Variants in GCNT2 observed in about 807,000 individuals in gnomAD.
The protein encoded by GCNT2 is N-acetyllactosaminide beta-1,6-N-acetylglucosaminyl-transferase.
GCNT2 carries 34 observed loss-of-function variants against 34.2 expected under a neutral mutation model. The observed-to-expected ratio is 1.00, with a 90% CI of 0.76 to 1.32. The LOEUF (loss-of-function observed/expected upper bound fraction) is 1.32, where lower values mean the gene tolerates loss of function less well. Ranked by LOEUF, GCNT2 falls within the 40% of genes most tolerant of loss-of-function variation. The pLI, the probability that GCNT2 is intolerant of heterozygous loss-of-function variation, is 0.00. For synonymous variants in GCNT2, 212 were observed against 188.0 expected (o/e 1.13, Z -1.04); for missense variants, 584 against 489.4 (o/e 1.19, Z -1.82).
At chr6:10,601,764 A>AC (rs1765093416) in intron 3 of GCNT2, among the ~76,000 whole-genome samples, 1 of 151,650 alleles carries the variant, frequency 6.6e-6, no homozygotes, top group South Asian at 2.1e-4. Flanking sequence ...AGATGATGAA[A>AC]CCCCCGTCTC....
chr6:10,531,392 T>G (rs189102988), intron 3 of GCNT2, among the ~76,000 whole-genome samples: 76 of 152,348 alleles, frequency 5.0e-4, no homozygotes, highest in African/African-American at 1.8e-3. Context: ...CAGTCCTGGT[T>G]TCTTTGGATT....
intron 3 of GCNT2, chr6:10,574,881 C>CT (rs1459892352): frequency 1.4e-6 from 1 of 703,050 alleles, no homozygotes; most frequent in African/African-American, 1.7e-5. Flanking sequence ...TGTCTTCTTT[C>CT]TTTTTCTGAT....
rs1435108594 is a variant in GCNT2, at chr6:10,582,471, TA to T, written c.926-38879del. 2.7e-3 allele frequency among the ~76,000 whole-genome samples: 305 copies of T among 114,250 alleles called. 8 individuals carry two copies. The highest frequency in any genetic ancestry group is 0.011 in the African/African-American group (279 of 25,176). 75.0% of individuals were successfully genotyped at this position (114,250 alleles called of 152,430 possible). Reference sequence around the variant, plus strand: ...TATAATATATATAATAAATATAATATATACTATAATATATACTATAATATAT... The same window carrying T: ...TATAATATATATAATAAATATAATATTACTATAATATATACTATAATATAT... On this transcript the variant is annotated intron_variant, in intron 3 of 4. Coordinates refer to ENST00000495262, the MANE Select transcript of GCNT2 (RefSeq NM_145649.5).
intron 3 of GCNT2, chr6:10,556,195 G>A (rs1762693038): frequency 7.1e-7 from 1 of 1,409,776 alleles, no homozygotes; most frequent in Non-Finnish European, 9.2e-7. Context: ...CTGCCACGGG[G>A]ATTTAAACAA....
chr6:10,555,788 C>T, intron 3 of GCNT2: 1 of 985,376 alleles, frequency 1.0e-6, no homozygotes, highest in Non-Finnish European at 1.2e-6. Flanking sequence ...ATGGATGAGG[C>T]TTTCTTTTAT....
chr6:10,582,335 C>T (rs975115471), intron 3 of GCNT2, among the ~76,000 whole-genome samples: 1 of 86,382 alleles, frequency 1.2e-5, no homozygotes, highest in Non-Finnish European at 2.0e-5. Context: ...ATAATATATA[C>T]TATATAATAT....
At chr6:10,615,460 G>A (rs1384640969) in intron 3 of GCNT2, among the ~76,000 whole-genome samples, 1 of 151,986 alleles carries the variant, frequency 6.6e-6, no homozygotes, top group Non-Finnish European at 1.5e-5. Context: ...GGCCCCAGGC[G>A]CACATCACAA....
intron 3 of GCNT2, among the ~76,000 whole-genome samples, chr6:10,609,502 C>A (rs1765460527): frequency 6.6e-6 from 1 of 152,194 alleles, no homozygotes; most frequent in African/African-American, 2.4e-5. Context: ...AACTGTTGCA[C>A]TGGGGATCAA....
At chr6:10,522,563 C>T (rs1480429499) in intron 1 of GCNT2, among the ~76,000 whole-genome samples, 1 of 152,120 alleles carries the variant, frequency 6.6e-6, no homozygotes, top group Non-Finnish European at 1.5e-5. Context: ...GACCCTACAG[C>T]GTAAAGGATC....
At chr6:10,560,179 C>T (rs1434054792) in intron 3 of GCNT2, among the ~76,000 whole-genome samples, 1 of 152,158 alleles carries the variant, frequency 6.6e-6, no homozygotes, top group Non-Finnish European at 1.5e-5. Context: ...ACCTCTGCCT[C>T]CCGGGCTCAA....
At chr6:10,538,706 A>G (rs1176817588) in intron 3 of GCNT2, among the ~76,000 whole-genome samples, 1 of 151,876 alleles carries the variant, frequency 6.6e-6, no homozygotes, top group African/African-American at 2.4e-5. Context: ...AGTTTAATTG[A>G]TTTGTATGCA....
chr6:10,583,804 A>C (rs1306107434), intron 3 of GCNT2, among the ~76,000 whole-genome samples: 3 of 152,182 alleles, frequency 2.0e-5, no homozygotes, highest in Non-Finnish European at 1.5e-5. Flanking sequence ...TAGTCACTCC[A>C]CATATTGTAG....
At chr6:10,620,197 T>A (rs1424996218) in intron 3 of GCNT2, among the ~76,000 whole-genome samples, 2 of 152,238 alleles carry the variant, frequency 1.3e-5, no homozygotes, top group Non-Finnish European at 2.9e-5. Flanking sequence ...GCCATTATTC[T>A]GCCTACCACA....
At chr6:10,564,134 T>A (rs958281737) in intron 3 of GCNT2, among the ~76,000 whole-genome samples, 1 of 152,112 alleles carries the variant, frequency 6.6e-6, no homozygotes, top group African/African-American at 2.4e-5. Flanking sequence ...CAATTAATGT[T>A]TACTGAACAT....
chr6:10,534,067 G>T (rs1221432151), intron 3 of GCNT2, among the ~76,000 whole-genome samples: 1 of 150,088 alleles, frequency 6.7e-6, no homozygotes, highest in African/African-American at 2.5e-5. Context: ...ACTTCCCCTG[G>T]TTTATGGGCT....
chr6:10,535,651 G>A (rs920467752), intron 3 of GCNT2, among the ~76,000 whole-genome samples: 1 of 152,190 alleles, frequency 6.6e-6, no homozygotes, highest in African/African-American at 2.4e-5. Context: ...AGTGATTTCT[G>A]TTTCACTTGC....
At chr6:10,537,206 C>T (rs1179751231) in intron 3 of GCNT2, among the ~76,000 whole-genome samples, 1 of 152,198 alleles carries the variant, frequency 6.6e-6, no homozygotes, top group African/African-American at 2.4e-5. Context: ...GTTTAATCTG[C>T]AAGTGATCTT....
At chr6:10,603,518 C>CT (rs1333651818) in intron 3 of GCNT2, among the ~76,000 whole-genome samples, 3 of 152,126 alleles carry the variant, frequency 2.0e-5, no homozygotes, top group African/African-American at 4.8e-5. Context: ...AAGCCACAGT[C>CT]TTTTTTTATT....
rs761083612 is a variant in GCNT2, at chr6:10,529,258, C to A, written c.347C>A (p.Ala116Glu). Residue 116 changes from alanine (A) to glutamate (E), a missense_variant, in exon 3 of 5, where the codon GCG becomes GAG. By Grantham distance (107) the Ala-to-Glu change is moderately radical (BLOSUM62 -1). Coordinates refer to ENST00000495262, the MANE Select transcript of GCNT2 (RefSeq NM_145649.5). ...DFGTFERLFR[A>E]IYMPQNVYCV... ...GGCACTTTTGAGAGGCTCTTCAGGG[C>A]GATTTATATGCCCCAAAATGTCTAC... The A allele has an allele frequency of 6.2e-6, 10 of 1,614,100 alleles. No individual in the cohort carries two copies. The highest frequency in any genetic ancestry group is 4.5e-5 in the East Asian group (2 of 44,884).
Sources: allele counts gnomAD v4.1 joint callset (sites outside exome capture counted in the v4.1 genomes callset), GRCh38; gene constraint gnomAD v4.1.1; transcripts MANE v1.5; gene names NCBI Gene and HGNC (gene_info 2026-07-23, HGNC 2026-07-21).